The following NPAS2 variants were observed in gnomAD, a reference collection of about 807,000 sequenced individuals.
NPAS2 encodes the protein neuronal PAS domain protein 2.
A neutral mutation model predicts 107.5 loss-of-function variants in NPAS2; 23 were observed. The ratio of observed to expected loss-of-function variants is 0.21; its 90% CI spans 0.15 to 0.30. NPAS2 has a LOEUF of 0.30. NPAS2 is among the 10% of genes least tolerant of loss of function. The probability of loss-of-function intolerance (pLI) is 1.00; values close to 1 mark genes in which losing one functional copy is unlikely to be tolerated. For missense variants in NPAS2, 756 were observed against 1,043.3 expected, an observed-to-expected ratio of 0.72 and a Z score of 3.79; for synonymous variants, 403 against 417.5, an observed-to-expected ratio of 0.97 and a Z score of 0.42.
intron 1 of NPAS2, among the ~76,000 whole-genome samples, chr2:100,831,464 C>T (rs3849377): frequency 0.29 from 44,751 of 151,958 alleles, 9,687 homozygotes; most frequent in African/African-American, 0.61. Flanking sequence ...ACTTTAAACC[C>T]CAAGTTGTGG....
intron 1 of NPAS2, among the ~76,000 whole-genome samples, chr2:100,822,085 C>G (rs1383129857): frequency 6.6e-6 from 1 of 152,150 alleles, no homozygotes; most frequent in Admixed American, 6.5e-5. Flanking sequence ...ATCGATGCCT[C>G]TATTTATTTG....
At position 100,963,367 on chromosome 2, in the gene NPAS2, T is replaced by A. The variant is rs575451371; in HGVS notation, c.599-691T>A. On this transcript the variant is annotated intron_variant, in intron 7 of 20. Coordinates refer to ENST00000335681, the MANE Select transcript of NPAS2 (RefSeq NM_002518.4). ...GAGTATTCAAACCGTTACTGCAGAATGAGGCTGTCTTCTCTTTTTTTTGTT... is the reference window on the plus strand; with the variant it reads ...GAGTATTCAAACCGTTACTGCAGAAAGAGGCTGTCTTCTCTTTTTTTTGTT... Among the ~76,000 whole-genome samples the A allele has an allele frequency of 2.0e-5, 3 of 152,334 alleles. No individual in the cohort carries two copies. In the East Asian group the frequency reaches 5.8e-4, roughly 29 times the overall value.
At chr2:100,864,732 G>T (rs1347842842) in intron 1 of NPAS2, among the ~76,000 whole-genome samples, 1 of 152,196 alleles carries the variant, frequency 6.6e-6, no homozygotes, top group East Asian at 1.9e-4. Context: ...AAAATTTAGA[G>T]CAGCAGTTCC....
chr2:100,846,495 G>T (rs7578071), intron 1 of NPAS2, among the ~76,000 whole-genome samples: 2 of 152,040 alleles, frequency 1.3e-5, no homozygotes, highest in East Asian at 1.9e-4. Context: ...TTAAAAGAGT[G>T]TTTTTTTCTC....
chr2:100,979,516 T>A lies in NPAS2; in HGVS notation c.1482+1717T>A, dbSNP rs1206320607. ...TATATATATATATTTTTTTTTTTTT[T>A]TTTTTTTTTTTTCTGAGACGGAGTT... On this transcript the variant is annotated intron_variant, in intron 15 of 20. Transcript: ENST00000335681. 4.5e-4 allele frequency among the ~76,000 whole-genome samples: 59 copies of A among 131,016 alleles called. 1 individual carries two copies. Among genetic ancestry groups the A allele is most frequent in the African/African-American group, 1.7e-3 (57 of 34,200 alleles). The allele number at this position is 131,016 out of a possible 152,430, so 86.0% of individuals were successfully genotyped here.
intron 1 of NPAS2, among the ~76,000 whole-genome samples, chr2:100,842,122 G>C (rs1336222316): frequency 7.7e-6 from 1 of 130,340 alleles, no homozygotes; most frequent in Non-Finnish European, 1.8e-5. Flanking sequence ...TAAGCCCCCA[G>C]GTGCCAGGAA....
chr2:100,978,736 G>A (rs573869067), intron 15 of NPAS2, among the ~76,000 whole-genome samples: 1 of 152,310 alleles, frequency 6.6e-6, no homozygotes, highest in Admixed American at 6.5e-5. Flanking sequence ...GCCGTGGCAG[G>A]GCATGCGTTT....
chr2:100,947,291 C>T (rs1325071702), intron 5 of NPAS2, among the ~76,000 whole-genome samples: 1 of 152,152 alleles, frequency 6.6e-6, no homozygotes. Flanking sequence ...TGGCTCATGC[C>T]TGTAATCCCA....
intron 1 of NPAS2, among the ~76,000 whole-genome samples, chr2:100,838,786 AT>A (rs1677219232): frequency 6.6e-6 from 1 of 152,164 alleles, no homozygotes; most frequent in Admixed American, 6.5e-5. Flanking sequence ...TGCTTTGAAA[AT>A]TGTTAGTACT....
chr2:100,895,050 T>C (rs541010947), intron 1 of NPAS2, among the ~76,000 whole-genome samples: 7 of 152,344 alleles, frequency 4.6e-5, no homozygotes, highest in South Asian at 2.1e-4. Context: ...TATACAGTTA[T>C]CACTAGCTAG....
Position 100,965,918 on chromosome 2 carries a change from A to G in NPAS2, c.907+152A>G, listed in dbSNP as rs1047685174. 2 of 579,818 alleles carry G rather than the reference A, an allele frequency of 3.4e-6. No individual in the cohort carries two copies. Among genetic ancestry groups the G allele is most frequent in the Non-Finnish European group, 6.1e-6 (2 of 326,672 alleles). 35.9% of individuals were successfully genotyped at this position (579,818 alleles called of 1,614,324 possible). On this transcript the variant is annotated intron_variant, in intron 10 of 20. Transcript: ENST00000335681. This position sits in a 1 kb window ranked among gnomAD's most constrained non-coding sequence, Gnocchi z 4.3. ...GTTTTCTCTGAGATGATCTGGGGGCATGGTGGAGGCCCCTTATCCGCGTCT... is the reference window on the plus strand; with the variant it reads ...GTTTTCTCTGAGATGATCTGGGGGCGTGGTGGAGGCCCCTTATCCGCGTCT...
At chr2:100,860,111 G>C (rs911141155) in intron 1 of NPAS2, among the ~76,000 whole-genome samples, 4 of 152,164 alleles carry the variant, frequency 2.6e-5, no homozygotes, top group Admixed American at 1.3e-4. Flanking sequence ...TCCAATACAG[G>C]ATCACACGTT....
At chr2:100,957,826 A>T (rs367550805) in intron 7 of NPAS2, among the ~76,000 whole-genome samples, 1 of 152,098 alleles carries the variant, frequency 6.6e-6, no homozygotes, top group Non-Finnish European at 1.5e-5. Context: ...TACTCGGGAG[A>T]CTGAGGCAGG....
Position 100,988,160 on chromosome 2 carries a change from T to G in NPAS2, c.1711T>G (p.Ser571Ala), listed in dbSNP as rs1573806597. 1 of 1,614,162 alleles carries G rather than the reference T, an allele frequency of 6.2e-7. No individual in the cohort carries two copies. The highest frequency in any genetic ancestry group is 8.5e-7 in the Non-Finnish European group (1 of 1,180,010). ...GGCTCAGCAGCAGCTACAGCAAAGG[T>G]CAGCTGCAGTGACTCAGCCCCAGCT... is the stretch of plus-strand genomic sequence containing the variant. ...PEAQQQLQQR[S>A]AAVTQPQLGA... Residue 571 changes from serine to alanine, a missense_variant, in exon 17 of 21, where the codon TCA becomes GCA. Physicochemically the swap from Ser to Ala is moderately conservative, Grantham distance 99. Transcript: ENST00000335681.
intron 19 of NPAS2, among the ~76,000 whole-genome samples, chr2:100,991,097 T>G (rs1354667839): frequency 6.6e-6 from 1 of 152,194 alleles, no homozygotes; most frequent in Non-Finnish European, 1.5e-5. Context: ...CAGCACTGAA[T>G]GAAACAATTC....
At chr2:100,907,818 G>A (rs1245135557) in intron 2 of NPAS2, among the ~76,000 whole-genome samples, 1 of 152,086 alleles carries the variant, frequency 6.6e-6, no homozygotes, top group Non-Finnish European at 1.5e-5. Flanking sequence ...TAAATCCAGG[G>A]AGTATTAATT....
At chr2:100,933,036 C>T (rs746123039) in intron 4 of NPAS2, 35 bp downstream of exon 4, 4 of 1,488,102 alleles carry the variant, frequency 2.7e-6, no homozygotes, top group African/African-American at 1.4e-5. Context: ...TAAACAGTTG[C>T]CAGTTAAAAT....
At chr2:100,918,134 A>G (rs995999701) in intron 2 of NPAS2, among the ~76,000 whole-genome samples, 17 of 151,916 alleles carry the variant, frequency 1.1e-4, no homozygotes, top group African/African-American at 4.1e-4. Context: ...TCAGAATTCA[A>G]AAATCAATGT....
At chr2:100,926,941 C>CTTTTTTTTTTTT (rs71378131) in intron 3 of NPAS2, among the ~76,000 whole-genome samples, 1 of 126,866 alleles carries the variant, frequency 7.9e-6, no homozygotes, top group South Asian at 2.5e-4. Context: ...TTTTTTCTTT[C>CTTTTTTTTTTTT]TTTTTTTTTT....
Sources: allele counts gnomAD v4.1 joint callset (sites outside exome capture counted in the v4.1 genomes callset), GRCh38; gene constraint gnomAD v4.1.1; non-coding constraint Gnocchi (gnomAD v3.1); transcripts MANE v1.5; gene names NCBI Gene and HGNC (gene_info 2026-07-23, HGNC 2026-07-21).